C3orf20: variants seen among roughly 807,000 people sequenced by gnomAD.
C3orf20 encodes family with sequence similarity 149 member C, also known as uncharacterized protein C3orf20.
A neutral mutation model predicts 88.3 loss-of-function variants in C3orf20; 76 were observed. That is an observed-to-expected ratio of 0.86 (90% CI 0.72 to 1.04). C3orf20 has a LOEUF of 1.04. Among genes scored for constraint, C3orf20 ranks in the 50% least tolerant of loss-of-function variants. C3orf20 has a pLI of 0.00. For missense variants in C3orf20, 1,056 were observed against 1,123.3 expected, an observed-to-expected ratio of 0.94 and a Z score of 0.86; for synonymous variants, 436 against 437.4, an observed-to-expected ratio of 1.00 and a Z score of 0.04.
At chr3:14,764,074 C>G (rs1414785954) in intron 15 of C3orf20, among the ~76,000 whole-genome samples, 1 of 151,996 alleles carries the variant, frequency 6.6e-6, no homozygotes, top group African/African-American at 2.4e-5. Flanking sequence ...CACACATGTA[C>G]ACACATTAGA....
chr3:14,753,245 A>G (rs1050308671), intron 12 of C3orf20, among the ~76,000 whole-genome samples: 3 of 152,158 alleles, frequency 2.0e-5, no homozygotes, highest in Admixed American at 1.3e-4. Context: ...AAGACAGAAA[A>G]CCAAACACCA....
intron 5 of C3orf20, among the ~76,000 whole-genome samples, chr3:14,690,927 C>T (rs73813949): frequency 0.015 from 2,301 of 152,328 alleles, 45 homozygotes; most frequent in African/African-American, 0.052. Context: ...GGATTTCCTC[C>T]GTGCCCCAGC....
chr3:14,724,264 CT>C (rs1444211127), intron 10 of C3orf20, among the ~76,000 whole-genome samples: 3 of 152,188 alleles, frequency 2.0e-5, no homozygotes, highest in Admixed American at 2.0e-4. Flanking sequence ...ATTATTTATT[CT>C]CATAAAATTG....
At chr3:14,767,909 A>T (rs573796282) in intron 15 of C3orf20, among the ~76,000 whole-genome samples, 13 of 152,338 alleles carry the variant, frequency 8.5e-5, no homozygotes, top group African/African-American at 2.9e-4. Context: ...AAACCATAAG[A>T]CACTCTAGAA....
intron 14 of C3orf20, among the ~76,000 whole-genome samples, chr3:14,760,228 G>A (rs1308401763): frequency 1.3e-5 from 2 of 152,214 alleles, no homozygotes; most frequent in Admixed American, 1.3e-4. Flanking sequence ...CCCATCCCAG[G>A]AGACTGCAGG....
At position 14,695,315 on chromosome 3, in the gene C3orf20, G is replaced by A. The variant is rs62233764; in HGVS notation, c.745+5199G>A. The stretch of plus-strand genomic sequence containing the variant: ...TATAGTTTCCAAAATTCCTCTTGTT[G>A]ATCTCTAGTTTTATTCCATTGTGGT... On this transcript the variant is annotated intron_variant, in intron 5 of 16. Transcript: ENST00000253697. 6.8e-4 allele frequency among the ~76,000 whole-genome samples: 102 copies of A among 150,918 alleles called. 1 individual carries two copies. The highest frequency in any genetic ancestry group is 1.1e-3 in the Non-Finnish European group (74 of 67,798).
chr3:14,738,782 A>T (rs187271012), intron 12 of C3orf20, among the ~76,000 whole-genome samples: 1 of 133,844 alleles, frequency 7.5e-6, no homozygotes, highest in African/African-American at 2.8e-5. Context: ...CTGGGATTAC[A>T]GGCATGCACC....
intron 10 of C3orf20, 82 bp downstream of exon 10, chr3:14,721,866 G>A (rs1337843095): frequency 1.3e-6 from 2 of 1,556,912 alleles, no homozygotes; most frequent in Admixed American, 1.7e-5. Context: ...CAGGGCCTTT[G>A]CTCTTACTCC....
At chr3:14,721,820 C>T (rs2034173886) in intron 10 of C3orf20, 36 bp downstream of exon 10, 6 of 1,610,606 alleles carry the variant, frequency 3.7e-6, no homozygotes, top group Middle Eastern at 1.7e-4. Context: ...AGCCCTGACC[C>T]CTGGGCATCT....
At chr3:14,711,103 G>A (rs773067207) in intron 7 of C3orf20, among the ~76,000 whole-genome samples, 4 of 152,028 alleles carry the variant, frequency 2.6e-5, no homozygotes, top group African/African-American at 4.8e-5. Context: ...CACCATGTTG[G>A]CCAGGCTGGT....
intron 10 of C3orf20, among the ~76,000 whole-genome samples, chr3:14,723,558 C>T (rs2034239411): frequency 6.6e-6 from 1 of 152,196 alleles, no homozygotes; most frequent in Admixed American, 6.5e-5. Context: ...TAGCTTCACC[C>T]TTGTGGTGTG....
At chr3:14,727,063 G>C (rs2034376932) in intron 11 of C3orf20, 39 bp downstream of exon 11, 1 of 1,612,280 alleles carries the variant, frequency 6.2e-7, no homozygotes, top group Admixed American at 1.7e-5. Flanking sequence ...CTATCTGTTG[G>C]CTTCCCCAGT....
At chr3:14,703,014 T>G (rs772086280) in intron 5 of C3orf20, 116 bp from the exon 6 acceptor site, 14 of 1,285,832 alleles carry the variant, frequency 1.1e-5, no homozygotes, top group African/African-American at 1.5e-5. Flanking sequence ...GGACAAATTT[T>G]AAAGCTCCAA....
intron 9 of C3orf20, among the ~76,000 whole-genome samples, chr3:14,717,077 T>C (rs1272848368): frequency 6.6e-6 from 1 of 152,208 alleles, no homozygotes; most frequent in Admixed American, 6.5e-5. Context: ...GATAAGAACC[T>C]GAGGAGCTAA....
intron 12 of C3orf20, among the ~76,000 whole-genome samples, chr3:14,738,529 C>T (rs1316426085): frequency 6.6e-6 from 1 of 151,310 alleles, no homozygotes; most frequent in East Asian, 1.9e-4. Flanking sequence ...GATGGGGTTT[C>T]ACCATGTTAG....
chr3:14,766,087 A>G (rs1044008551), intron 15 of C3orf20, among the ~76,000 whole-genome samples: 3 of 152,200 alleles, frequency 2.0e-5, no homozygotes, highest in Non-Finnish European at 4.4e-5. Flanking sequence ...GAAGGCTCCA[A>G]GCTTGGGAAA....
intron 13 of C3orf20, among the ~76,000 whole-genome samples, chr3:14,758,495 T>C (rs1273515389): frequency 1.3e-5 from 2 of 152,170 alleles, no homozygotes; most frequent in Admixed American, 1.3e-4. Context: ...TGGCACAGTT[T>C]GAAGGCTGGC....
chr3:14,760,770 C>T lies in C3orf20; in HGVS notation c.2353-703C>T, dbSNP rs535488563. On this transcript the variant is annotated intron_variant, in intron 14 of 16. Coordinates refer to ENST00000253697, the MANE Select transcript of C3orf20 (RefSeq NM_032137.5). The stretch of plus-strand genomic sequence containing the variant: ...GACTACAGGTTCCCACCATCATGCC[C>T]GGCTAATTTTTGTATTTTTAGTAGG... Among the ~76,000 whole-genome samples the T allele has an allele frequency of 1.4e-4, 22 of 151,966 alleles. 1 individual carries two copies. Among genetic ancestry groups the T allele is most frequent in the South Asian group, 4.2e-4 (2 of 4,792 alleles).
chr3:14,764,894 G>A (rs2035661059), intron 15 of C3orf20: 1 of 152,398 alleles, frequency 6.6e-6, no homozygotes, highest in African/African-American at 2.4e-5. Flanking sequence ...TTCAAGGTCG[G>A]GGGGAATTAG....
Sources: allele counts gnomAD v4.1 joint callset (sites outside exome capture counted in the v4.1 genomes callset), GRCh38; gene constraint gnomAD v4.1.1; transcripts MANE v1.5; gene names NCBI Gene and HGNC (gene_info 2026-07-23, HGNC 2026-07-21).